NTPCR: variants seen among roughly 807,000 people sequenced by gnomAD.
The protein encoded by NTPCR is cancer-related nucleoside-triphosphatase.
Under a neutral mutation model 19.5 loss-of-function variants are expected in NTPCR, and 15 were observed. That is an observed-to-expected ratio of 0.77 (90% CI 0.51 to 1.18). NTPCR has a LOEUF of 1.18. Among genes scored for constraint, NTPCR ranks in the 50% most tolerant of loss-of-function variants. The pLI, the probability that NTPCR is intolerant of heterozygous loss-of-function variation, is 0.00. For synonymous variants in NTPCR, 90 were observed against 95.8 expected, an observed-to-expected ratio of 0.94 and a Z score of 0.36; for missense variants, 206 against 240.4, an observed-to-expected ratio of 0.86 and a Z score of 0.95.
chr1:232,963,711 T>C (rs1668729855), intron 3 of NTPCR: 1 of 152,144 alleles, frequency 6.6e-6, no homozygotes, highest in African/African-American at 2.4e-5. Context: ...TTTAACTTCA[T>C]TTGGATAAAA....
chr1:232,957,268 C>A (rs1365822584), intron 3 of NTPCR, among the ~76,000 whole-genome samples: 1 of 151,946 alleles, frequency 6.6e-6, no homozygotes, highest in Non-Finnish European at 1.5e-5. Context: ...GTGAATGATT[C>A]GTATTAATTT....
rs1254938073 is a variant in NTPCR at position 232,983,673 on chromosome 1, C to T, written c.*5442C>T. ...ACGTATCCTGGCTTTTCACAGAATA[C>T]TGGAGACATGACTGCATGCATGATC... On this transcript the variant is annotated 3_prime_UTR_variant, in exon 5 of 5. Coordinates refer to ENST00000366628, the MANE Select transcript of NTPCR (RefSeq NM_032324.3). 6.6e-6 allele frequency: 1 copy of T among 152,202 alleles called. No individual in the cohort carries two copies. The highest frequency in any genetic ancestry group is 1.5e-5 in the Non-Finnish European group (1 of 68,036). The allele number at this position is 152,202 out of a possible 1,614,324, so 9.4% of individuals were successfully genotyped here.
At position 232,978,307 on chromosome 1, in the gene NTPCR, C is replaced by A. The variant is rs963463079; in HGVS notation, c.*76C>A. The A allele has an allele frequency of 8.0e-7, 1 of 1,243,136 alleles. No homozygotes were observed. The highest frequency in any genetic ancestry group is 1.2e-6 in the Non-Finnish European group (1 of 851,602). The allele number at this position is 1,243,136 out of a possible 1,614,324, so 77.0% of individuals were successfully genotyped here. A position where few individuals can be genotyped will look rare whatever the true frequency, so the allele number is the denominator to read the frequency against. ...CCTGATGGAGCCCTGCCTGTCGAGGCTGTATGCCTATGGGGTTATGGAACC... is the reference window on the plus strand; with the variant it reads ...CCTGATGGAGCCCTGCCTGTCGAGGATGTATGCCTATGGGGTTATGGAACC... On this transcript the variant is annotated 3_prime_UTR_variant, in exon 5 of 5. Coordinates refer to ENST00000366628, the MANE Select transcript of NTPCR (RefSeq NM_032324.3).
Position 232,978,299 on chromosome 1 carries a change from T to G in NTPCR, c.*68T>G. The G allele has an allele frequency of 7.5e-7, 1 of 1,340,234 alleles. No individual in the cohort carries two copies. Among genetic ancestry groups the G allele is most frequent in the Non-Finnish European group, 1.1e-6 (1 of 937,126 alleles). 83.0% of individuals were successfully genotyped at this position (1,340,234 alleles called of 1,614,324 possible). On this transcript the variant is annotated 3_prime_UTR_variant, in exon 5 of 5. Coordinates refer to ENST00000366628, the MANE Select transcript of NTPCR (RefSeq NM_032324.3). Reference sequence around the variant, plus strand: ...AAGAGGAGCCTGATGGAGCCCTGCCTGTCGAGGCTGTATGCCTATGGGGTT... The same window carrying G: ...AAGAGGAGCCTGATGGAGCCCTGCCGGTCGAGGCTGTATGCCTATGGGGTT...
chr1:232,970,046 C>G lies in NTPCR; in HGVS notation c.432C>G (p.Ile144Met). The change falls in exon 4 of 5, where the codon ATC becomes ATG. Residue 144 changes from isoleucine (I) to methionine (M), a missense_variant. Ile to Met is a conservative substitution (Grantham distance 10). Coordinates refer to ENST00000366628, the MANE Select transcript of NTPCR (RefSeq NM_032324.3). Reference sequence around the variant, plus strand: ...CAGGGACTATAATCCTTGGCACAATCCCAGTTCCTAAAGGAAAGCCACTGG... The same window carrying G: ...CAGGGACTATAATCCTTGGCACAATGCCAGTTCCTAAAGGAAAGCCACTGG... ...STPGTIILGT[I>M]PVPKGKPLAL... The G allele has an allele frequency of 6.2e-7, 1 of 1,614,160 alleles. No individual in the cohort carries two copies. Among genetic ancestry groups the G allele is most frequent in the Admixed American group, 1.7e-5 (1 of 60,022 alleles).
Position 232,982,580 on chromosome 1 carries a change from A to G in NTPCR, c.*4349A>G, listed in dbSNP as rs1054370423. ...GCACCTCATGAACCTCCCCAGAGAA[A>G]CGGGATGGAGGAGCACCCAGGGTGC... On this transcript the variant is annotated 3_prime_UTR_variant, in exon 5 of 5. Coordinates refer to ENST00000366628, the MANE Select transcript of NTPCR (RefSeq NM_032324.3). 23 of 152,338 alleles carry G rather than the reference A, an allele frequency of 1.5e-4. No individual in the cohort carries two copies. The East Asian group carries it at 4.1e-3, about 27-fold the overall frequency. The allele number at this position is 152,338 out of a possible 1,614,324, so 9.4% of individuals were successfully genotyped here.
chr1:232,970,182 C>T, intron 4 of NTPCR, 64 bp downstream of exon 4: 1 of 1,295,614 alleles, frequency 7.7e-7, no homozygotes, highest in African/African-American at 1.5e-5. Context: ...TAGCAGATGG[C>T]TCTAAAATAT....
rs552436113 is a variant in NTPCR at position 232,971,305 on chromosome 1, C to T, written c.504+1187C>T. ...AGTGAACAAGTCAGGCAGGCAGGGC[C>T]ACTCCTATCAGGGGGAGTGGAGAGT... On this transcript the variant is annotated intron_variant, in intron 4 of 4. Coordinates refer to ENST00000366628, the MANE Select transcript of NTPCR (RefSeq NM_032324.3). Among the ~76,000 whole-genome samples, 3 of 152,306 alleles carry T rather than the reference C, an allele frequency of 2.0e-5. No individual in the cohort carries two copies. The East Asian group carries it at 5.8e-4, about 29-fold the overall frequency.
chr1:232,955,396 A>G (rs1229653301), intron 1 of NTPCR, among the ~76,000 whole-genome samples, 161 bp from the exon 2 acceptor site: 1 of 152,174 alleles, frequency 6.6e-6, no homozygotes, highest in Non-Finnish European at 1.5e-5. Flanking sequence ...ACCTGGAGCA[A>G]TCAAAATTAA....
chr1:232,953,709 A>G (rs992709322), intron 1 of NTPCR, among the ~76,000 whole-genome samples: 1 of 150,130 alleles, frequency 6.7e-6, no homozygotes, highest in East Asian at 1.9e-4. Context: ...TCTTCTTGAC[A>G]TTTTTTTTTT....
intron 4 of NTPCR, chr1:232,976,752 G>A: frequency 1.9e-6 from 1 of 528,370 alleles, no homozygotes; most frequent in South Asian, 3.1e-5. Flanking sequence ...ACGCAGCCAG[G>A]ACCAGTAGAA....
At chr1:232,960,595 G>T (rs976848753) in intron 3 of NTPCR, among the ~76,000 whole-genome samples, 8 of 152,048 alleles carry the variant, frequency 5.3e-5, no homozygotes, top group African/African-American at 1.4e-4. Context: ...ACCCACCTTG[G>T]CCTCCCAAAG....
rs892314470 is a variant in NTPCR at position 232,978,109 on chromosome 1, G to C, written c.505-54G>C. The stretch of plus-strand genomic sequence containing the variant: ...TCTTTTAGAGAGTTACCTAGCACAA[G>C]ATTGAAGAAGAGGAAAGGAGCTCTG... On this transcript the variant is annotated intron_variant, in intron 4 of 4. Coordinates refer to ENST00000366628, the MANE Select transcript of NTPCR (RefSeq NM_032324.3). 9.6e-6 allele frequency: 14 copies of C among 1,462,286 alleles called. No homozygotes were observed. The African/African-American group carries it at 1.8e-4, about 19-fold the overall frequency. 90.6% of individuals were successfully genotyped at this position (1,462,286 alleles called of 1,614,324 possible).
chr1:232,977,134 AC>A (rs1669146472), intron 4 of NTPCR: 1 of 152,212 alleles, frequency 6.6e-6, no homozygotes, highest in African/African-American at 2.4e-5. Flanking sequence ...CCCTGCTCTT[AC>A]CGGGAACCTT....
rs1411375713 is a variant in NTPCR at position 232,969,784 on chromosome 1, T to G, written c.295-125T>G. On this transcript the variant is annotated intron_variant, in intron 3 of 4. Coordinates refer to ENST00000366628, the MANE Select transcript of NTPCR (RefSeq NM_032324.3). ...GGTGGTCTGTGGGATGCTGTCACTT[T>G]TTGAAATCCAGTAAAAAGGTTTCTG... is the stretch of plus-strand genomic sequence containing the variant. The G allele has an allele frequency of 6.6e-6, 5 of 760,050 alleles. No homozygotes were observed. In the East Asian group the frequency reaches 1.3e-4, roughly 20 times the overall value. The allele number at this position is 760,050 out of a possible 1,614,324, so 47.1% of individuals were successfully genotyped here.
Position 232,970,127 on chromosome 1 carries a change from A to G in NTPCR, c.504+9A>G. On this transcript the variant is annotated intron_variant, in intron 4 of 4. Coordinates refer to ENST00000366628, the MANE Select transcript of NTPCR (RefSeq NM_032324.3). ...ATGTGAAGGTGTTTAATGTGAGTAC[A>G]GCCAGTCCTCCATAATCAGTGGAAA... 3.7e-6 allele frequency: 6 copies of G among 1,602,350 alleles called. No homozygotes were observed. In the South Asian group the frequency reaches 5.5e-5, roughly 15 times the overall value.
At chr1:232,976,389 A>G (rs2102760607) in intron 4 of NTPCR, 4 of 1,550,308 alleles carry the variant, frequency 2.6e-6, no homozygotes, top group Non-Finnish European at 3.5e-6. Context: ...CCAGCTGTGT[A>G]TCACAGTCCA....
chr1:232,964,674 A>G (rs1668764345), intron 3 of NTPCR: 1 of 152,214 alleles, frequency 6.6e-6, no homozygotes. Context: ...AAAAAATGCC[A>G]TAATGGTTAA....
intron 4 of NTPCR, among the ~76,000 whole-genome samples, chr1:232,974,358 C>T (rs1238526318): frequency 1.3e-5 from 2 of 152,118 alleles, no homozygotes; most frequent in Non-Finnish European, 2.9e-5. Context: ...AGGAAGTTCT[C>T]TTATCAGAAA....
Sources: gnomAD v4.1 joint callset for allele counts (sites outside exome capture counted in the v4.1 genomes callset) on GRCh38, gnomAD v4.1.1 for gene constraint, MANE v1.5 for transcripts, NCBI Gene and HGNC (gene_info 2026-07-23, HGNC 2026-07-21) for gene names.